The following SMG5 variants were observed in gnomAD, a reference collection of about 807,000 sequenced individuals.
The protein encoded by SMG5 is SMG5 nonsense mediated mRNA decay factor.
A neutral mutation model predicts 122.9 loss-of-function variants in SMG5; 53 were observed. The observed-to-expected ratio is 0.43, with a 90% CI of 0.35 to 0.54. SMG5 has a LOEUF of 0.54. Among genes scored for constraint, SMG5 ranks in the 20% least tolerant of loss-of-function variants. The pLI, the probability that SMG5 is intolerant of heterozygous loss-of-function variation, is 0.01. For synonymous variants in SMG5, 477 were observed against 490.2 expected (o/e 0.97, Z 0.35); for missense variants, 1,153 against 1,285.6 (o/e 0.90, Z 1.58).
intron 13 of SMG5, among the ~76,000 whole-genome samples, chr1:156,262,688 A>G (rs1661910057): frequency 6.6e-6 from 1 of 152,056 alleles, no homozygotes; most frequent in Admixed American, 6.6e-5. Context: ...CTCAATGACT[A>G]ATGACTGAGT....
chr1:156,256,286 G>T (rs1265981799), intron 16 of SMG5, among the ~76,000 whole-genome samples: 4 of 149,978 alleles, frequency 2.7e-5, no homozygotes, highest in African/African-American at 9.8e-5. Context: ...GAAGGCCAGA[G>T]CCTAGGTGAG....
intron 17 of SMG5, 40 bp from the exon 18 acceptor site, chr1:156,253,118 C>G (rs1218032292): frequency 1.1e-5 from 17 of 1,535,614 alleles, no homozygotes; most frequent in Non-Finnish European, 1.5e-5. Flanking sequence ...TGTGGGGGAC[C>G]CCTGCAGCCG....
Position 156,249,545 on chromosome 1 carries a change from T to C in SMG5, c.*1042A>G, listed in dbSNP as rs562499532. The stretch of plus-strand genomic sequence containing the variant: ...GCCATTCACTGCCCTGAGCTATTCA[T>C]GATCTCTGCTCCCAGATATTCACCT... On this transcript the variant is annotated 3_prime_UTR_variant, in exon 22 of 22. Transcript: ENST00000361813. 43 of 368,184 alleles carry C rather than the reference T, an allele frequency of 1.2e-4. No individual in the cohort carries two copies. The highest frequency in any genetic ancestry group is 2.1e-4 in the Non-Finnish European group (38 of 182,178). 22.8% of individuals were successfully genotyped at this position (368,184 alleles called of 1,614,324 possible). A position where few individuals can be genotyped will look rare whatever the true frequency, so the allele number is the denominator to read the frequency against.
At chr1:156,271,688 G>A (rs570140214) in intron 7 of SMG5, among the ~76,000 whole-genome samples, 5 of 132,918 alleles carry the variant, frequency 3.8e-5, no homozygotes, top group East Asian at 2.3e-4. Context: ...ATTCTCCTGC[G>A]TTCAAGTGAT....
At chr1:156,285,869 C>T (rs770959643), upstream of SMG5, 1 of 1,613,772 alleles carries the variant, frequency 6.2e-7, no homozygotes, top group East Asian at 2.2e-5. Flanking sequence ...CCCTTGCCTA[C>T]TATACGGGGC....
chr1:156,290,289 TCTTCCTC>T, the SMG5 span: 1 of 153,792 alleles, frequency 6.5e-6, no homozygotes, highest in African/African-American at 2.4e-5. Context: ...TCTTCTTCCT[TCTTCCTC>T]CTTTCTTTCT....
At chr1:156,261,914 T>C (rs1215768035) in intron 13 of SMG5, among the ~76,000 whole-genome samples, 1 of 99,612 alleles carries the variant, frequency 1.0e-5, no homozygotes, top group East Asian at 3.0e-4. Flanking sequence ...AAAAAAAAAA[T>C]AGCCAGGCGT....
At chr1:156,273,131 C>T (rs959614723) in intron 6 of SMG5, among the ~76,000 whole-genome samples, 11 of 152,168 alleles carry the variant, frequency 7.2e-5, no homozygotes, top group Non-Finnish European at 1.2e-4. Context: ...TTCTCTTTTC[C>T]TTCTACTCTG....
the SMG5 span, chr1:156,291,205 A>G: frequency 3.4e-6 from 2 of 592,092 alleles, no homozygotes; most frequent in Non-Finnish European, 3.0e-6. Flanking sequence ...AATCACTTAT[A>G]GTAATTAGCG....
At chr1:156,288,330 CT>C in the SMG5 span, among the ~76,000 whole-genome samples, 2 of 148,302 alleles carry the variant, frequency 1.3e-5, no homozygotes, top group Admixed American at 6.7e-5. Flanking sequence ...GCTCTTGTTA[CT>C]TTTTTTTTCT....
At position 156,250,100 on chromosome 1, in the gene SMG5, TGAG is replaced by T. The variant is rs1003253024; in HGVS notation, c.*484_*486del. On this transcript the variant is annotated 3_prime_UTR_variant, in exon 22 of 22. Transcript: ENST00000361813. ...GGCTGAAAGGAGGATGGGTGATCCT[TGAG>T]GAGGGGAAGGGTCTGCAGAGAATCA... The T allele has an allele frequency of 3.7e-5, 14 of 375,904 alleles. No homozygotes were observed. The highest frequency in any genetic ancestry group is 6.5e-5 in the Non-Finnish European group (12 of 184,488). The allele number at this position is 375,904 out of a possible 1,614,324, so 23.3% of individuals were successfully genotyped here. A position where few individuals can be genotyped will look rare whatever the true frequency, so the allele number is the denominator to read the frequency against.
intron 3 of SMG5, 85 bp downstream of exon 3, chr1:156,277,840 T>C: frequency 6.4e-7 from 1 of 1,568,324 alleles, no homozygotes; most frequent in South Asian, 1.1e-5. Flanking sequence ...TTGGCTCCCC[T>C]ACCTCCAACC....
Position 156,274,461 on chromosome 1 carries a change from T to C in SMG5, c.544+136A>G, listed in dbSNP as rs1020579922. 62 of 725,438 alleles carry C rather than the reference T, an allele frequency of 8.5e-5. 1 individual carries two copies. The highest frequency in any genetic ancestry group is 4.0e-4 in the Middle Eastern group (1 of 2,512). 44.9% of individuals were successfully genotyped at this position (725,438 alleles called of 1,614,324 possible). A position where few individuals can be genotyped will look rare whatever the true frequency, so the allele number is the denominator to read the frequency against. On this transcript the variant is annotated intron_variant, in intron 5 of 21. Transcript: ENST00000361813. ...GAAAAGAAGGGATCACTGAAACAGA[T>C]GGGAGGGAAAAAGTTATCAGAAGCC... is the stretch of plus-strand genomic sequence containing the variant.
chr1:156,266,458 T>G, intron 11 of SMG5, 78 bp from the exon 12 acceptor site: 1 of 1,604,926 alleles, frequency 6.2e-7, no homozygotes, highest in East Asian at 2.2e-5. Flanking sequence ...CCAACACCAC[T>G]TCCCCCGAGT....
chr1:156,256,627 A>AGAT (rs1661587436), intron 16 of SMG5, among the ~76,000 whole-genome samples: 1 of 152,106 alleles, frequency 6.6e-6, no homozygotes, highest in African/African-American at 2.4e-5. Context: ...GGACCCAAGA[A>AGAT]GATGGAGCTG....
At chr1:156,286,343 C>T (rs181268580), upstream of SMG5, 22 of 1,614,196 alleles carry the variant, frequency 1.4e-5, no homozygotes, top group Middle Eastern at 1.6e-4. Flanking sequence ...GGAGATCCAC[C>T]GGCGATATGT....
chr1:156,276,239 G>A (rs1662681757), intron 4 of SMG5, among the ~76,000 whole-genome samples: 1 of 150,184 alleles, frequency 6.7e-6, no homozygotes, highest in Non-Finnish European at 1.5e-5. Flanking sequence ...CGATTCTCTT[G>A]CCTCAGCCTC....
At chr1:156,253,145 G>A in intron 17 of SMG5, 67 bp from the exon 18 acceptor site, 1 of 1,480,982 alleles carries the variant, frequency 6.8e-7, no homozygotes, top group Non-Finnish European at 9.0e-7. Flanking sequence ...GGGAAGAGTG[G>A]TGCTCAAGGT....
intron 19 of SMG5, 106 bp from the exon 20 acceptor site, chr1:156,251,583 TG>T: frequency 9.3e-7 from 1 of 1,073,832 alleles, no homozygotes. Context: ...CAGGCGGGGC[TG>T]GGGAACATGT....
Sources: gnomAD v4.1 joint callset for allele counts (sites outside exome capture counted in the v4.1 genomes callset) on GRCh38, gnomAD v4.1.1 for gene constraint, MANE v1.5 for transcripts, NCBI Gene and HGNC (gene_info 2026-07-23, HGNC 2026-07-21) for gene names.